Variants in LRRC4C observed in about 807,000 individuals in gnomAD.
LRRC4C encodes the protein leucine rich repeat containing 4C, also known as leucine-rich repeat-containing protein 4C.
LRRC4C carries 5 observed loss-of-function variants against 33.6 expected under a neutral mutation model. The observed-to-expected ratio is 0.15, with a 90% CI of 0.08 to 0.31. The LOEUF is 0.31. Among genes scored for constraint, LRRC4C ranks in the 10% least tolerant of loss-of-function variants. The pLI is 1.00. For missense variants in LRRC4C, 560 were observed against 796.7 expected (o/e 0.70, Z 3.58); for synonymous variants, 329 against 302.0 (o/e 1.09, Z -0.93).
At chr11:40,370,442 T>A (rs1948403759) in intron 3 of LRRC4C, among the ~76,000 whole-genome samples, 1 of 152,162 alleles carries the variant, frequency 6.6e-6, no homozygotes, top group African/African-American at 2.4e-5. Flanking sequence ...CATCAGAAGT[T>A]AGATTCACAA....
At chr11:41,408,921 C>G (rs1018040670) in intron 1 of LRRC4C, among the ~76,000 whole-genome samples, 1 of 152,120 alleles carries the variant, frequency 6.6e-6, no homozygotes, top group African/African-American at 2.4e-5. Context: ...CTTATGATCA[C>G]AGGCGACTTC....
intron 1 of LRRC4C, among the ~76,000 whole-genome samples, chr11:40,945,070 C>G (rs558297895): frequency 6.7e-6 from 1 of 148,398 alleles, no homozygotes; most frequent in African/African-American, 2.5e-5. Context: ...CTTTGTCGCC[C>G]GGGCTGGAGC....
intron 3 of LRRC4C, among the ~76,000 whole-genome samples, chr11:40,462,517 G>A (rs967415482): frequency 6.6e-6 from 1 of 152,030 alleles, no homozygotes; most frequent in Non-Finnish European, 1.5e-5. Flanking sequence ...TTAACTTAGA[G>A]GCCAGGCATA....
intron 1 of LRRC4C, among the ~76,000 whole-genome samples, chr11:41,137,756 A>G (rs1405269739): frequency 6.6e-6 from 1 of 152,244 alleles, no homozygotes; most frequent in Non-Finnish European, 1.5e-5. Flanking sequence ...GTTAGCTTTC[A>G]AACATTTCTC....
intron 1 of LRRC4C, among the ~76,000 whole-genome samples, chr11:41,211,462 A>G (rs1343923333): frequency 2.6e-5 from 4 of 152,042 alleles, no homozygotes; most frequent in Non-Finnish European, 5.9e-5. Context: ...TATGTCTCCT[A>G]ATGCTATCCC....
chr11:40,915,990 CAAT>C (rs571247174), intron 2 of LRRC4C, among the ~76,000 whole-genome samples: 3,207 of 152,272 alleles, frequency 0.021, 39 homozygotes, highest in Non-Finnish European at 0.032. Flanking sequence ...ATCAAAACCA[CAAT>C]GAGATACCAG....
chr11:40,788,512 C>A (rs973355804), intron 2 of LRRC4C, among the ~76,000 whole-genome samples: 1 of 152,146 alleles, frequency 6.6e-6, no homozygotes, highest in Non-Finnish European at 1.5e-5. Context: ...ACCCCAGATA[C>A]CATACTTAGA....
chr11:41,458,292 C>G (rs183589201), intron 1 of LRRC4C, among the ~76,000 whole-genome samples: 4 of 152,216 alleles, frequency 2.6e-5, no homozygotes, highest in African/African-American at 9.6e-5. Flanking sequence ...GATAAACCAT[C>G]CACATGCACT....
At chr11:40,167,473 T>C (rs1859689641) in intron 5 of LRRC4C, among the ~76,000 whole-genome samples, 1 of 152,142 alleles carries the variant, frequency 6.6e-6, no homozygotes, top group Non-Finnish European at 1.5e-5. Flanking sequence ...TGAACATTAG[T>C]CACTAATACA....
chr11:40,495,717 C>G (rs766250437), intron 3 of LRRC4C, among the ~76,000 whole-genome samples: 1 of 145,992 alleles, frequency 6.8e-6, no homozygotes, highest in Non-Finnish European at 1.5e-5. Context: ...CTCTTAGTCT[C>G]TGTGTTGGAA....
chr11:41,445,358 C>T (rs1955788172), intron 1 of LRRC4C, among the ~76,000 whole-genome samples: 1 of 152,142 alleles, frequency 6.6e-6, no homozygotes, highest in African/African-American at 2.4e-5. Context: ...AAAAGCATAT[C>T]AAGATCCATG....
chr11:40,217,067 AG>A (rs1301616768), intron 5 of LRRC4C, among the ~76,000 whole-genome samples: 2 of 152,196 alleles, frequency 1.3e-5, no homozygotes, highest in African/African-American at 2.4e-5. Flanking sequence ...GTGGTTGGAA[AG>A]GGTGAAAGAA....
chr11:40,693,970 C>G (rs1419940924), intron 2 of LRRC4C, among the ~76,000 whole-genome samples: 6 of 152,036 alleles, frequency 3.9e-5, no homozygotes, highest in Non-Finnish European at 8.8e-5. Flanking sequence ...CCTGATTTGC[C>G]CTGCGGGGTG....
chr11:40,635,950 A>C (rs1963925757), intron 3 of LRRC4C, among the ~76,000 whole-genome samples: 1 of 151,976 alleles, frequency 6.6e-6, no homozygotes, highest in African/African-American at 2.4e-5. Context: ...GAAGAGCCTA[A>C]ATTTTATAGG....
At chr11:41,233,919 A>G (rs917567425) in intron 1 of LRRC4C, among the ~76,000 whole-genome samples, 1 of 151,948 alleles carries the variant, frequency 6.6e-6, no homozygotes, top group African/African-American at 2.4e-5. Context: ...CCACAGACTC[A>G]AAAAGCATAA....
intron 1 of LRRC4C, among the ~76,000 whole-genome samples, chr11:41,210,645 G>C (rs979522060): frequency 2.0e-5 from 3 of 152,040 alleles, no homozygotes; most frequent in African/African-American, 7.2e-5. Context: ...ATGAACATAA[G>C]GCTCTAAATC....
At chr11:40,237,079 C>A (rs986610620) in intron 5 of LRRC4C, among the ~76,000 whole-genome samples, 2 of 152,128 alleles carry the variant, frequency 1.3e-5, no homozygotes, top group Non-Finnish European at 2.9e-5. Context: ...ATATATCAAC[C>A]TACTAAATAG....
chr11:40,961,732 C>G (rs1027054258), intron 1 of LRRC4C, among the ~76,000 whole-genome samples: 1 of 151,578 alleles, frequency 6.6e-6, no homozygotes, highest in Non-Finnish European at 1.5e-5. Context: ...AATTTCTGTT[C>G]TCTCAGGGTT....
At chr11:40,130,379 C>A (rs755870326) in intron 6 of LRRC4C, among the ~76,000 whole-genome samples, 2 of 151,874 alleles carry the variant, frequency 1.3e-5, no homozygotes, top group African/African-American at 2.4e-5. Flanking sequence ...TCTTCAAGTT[C>A]AAGGGCCATT....
Sources: allele counts gnomAD v4.1 joint callset (sites outside exome capture counted in the v4.1 genomes callset), GRCh38; gene constraint gnomAD v4.1.1; transcripts MANE v1.5; gene names NCBI Gene and HGNC (gene_info 2026-07-23, HGNC 2026-07-21).